The following FANCM variants were observed in gnomAD, a reference collection of about 807,000 sequenced individuals.
FANCM encodes Fanconi anemia group M protein.
FANCM carries 140 observed loss-of-function variants against 199.5 expected under a neutral mutation model. The ratio of observed to expected loss-of-function variants is 0.70; its 90% CI spans 0.61 to 0.81. FANCM has a LOEUF of 0.81. FANCM is among the 30% of genes least tolerant of loss of function. FANCM has a pLI of 0.00. For synonymous variants in FANCM, 840 were observed against 836.8 expected, an observed-to-expected ratio of 1.00 and a Z score of -0.07; for missense variants, 2,410 against 2,421.4, an observed-to-expected ratio of 1.00 and a Z score of 0.10.
In FANCM at chr14:45,175,607, T is replaced by C. The variant is rs1888627195; in HGVS notation, c.2853T>C (p.Asp951=). The C allele has an allele frequency of 1.2e-6, 2 of 1,613,592 alleles. No individual in the cohort carries two copies. Among genetic ancestry groups the C allele is most frequent in the African/African-American group, 2.7e-5 (2 of 74,930 alleles). ...VLDSGYNSFN[D]EKSVSSNLFL... Reference sequence around the variant, plus strand: ...ATTCTGGTTATAACAGTTTCAATGATGAAAAATCTGTTTCATCTAACTTAT... The same window carrying C: ...ATTCTGGTTATAACAGTTTCAATGACGAAAAATCTGTTTCATCTAACTTAT... The change falls in exon 14 of 23, where the codon GAT becomes GAC. Residue 951 remains aspartate (D), a synonymous_variant. Coordinates refer to ENST00000267430, the MANE Select transcript of FANCM (RefSeq NM_020937.4).
chr14:45,141,309 GAA>G (rs1885921095), intron 3 of FANCM, among the ~76,000 whole-genome samples: 2 of 135,504 alleles, frequency 1.5e-5, no homozygotes. Context: ...AAAAAAAAAA[GAA>G]AGCAAAAAAC....
chr14:45,139,874 G>T (rs756539085), intron 2 of FANCM, among the ~76,000 whole-genome samples: 2 of 152,026 alleles, frequency 1.3e-5, no homozygotes, highest in African/African-American at 2.4e-5. Context: ...AGCCCCAGCT[G>T]CTTGGGAGGC....
chr14:45,153,455 T>C (rs1886960957), intron 5 of FANCM, among the ~76,000 whole-genome samples: 1 of 152,226 alleles, frequency 6.6e-6, no homozygotes, highest in Non-Finnish European at 1.5e-5. Context: ...TGATTAAATA[T>C]TTGTACTTTT....
intron 3 of FANCM, among the ~76,000 whole-genome samples, chr14:45,146,333 T>C (rs1886381626): frequency 6.6e-6 from 1 of 152,070 alleles, no homozygotes; most frequent in Non-Finnish European, 1.5e-5. Context: ...ATTGCTCACT[T>C]GATTTTTGGT....
At chr14:45,181,376 A>G (rs1889055220) in intron 14 of FANCM, 54 bp from the exon 15 acceptor site, 3 of 943,644 alleles carry the variant, frequency 3.2e-6, no homozygotes, top group Non-Finnish European at 3.4e-6. Flanking sequence ...GATTGTTATG[A>G]TTGGGTAAAC....
In FANCM at chr14:45,175,137, A is replaced by T. The variant is rs748155447; in HGVS notation, c.2383A>T (p.Ile795Phe). 6.2e-7 allele frequency: 1 copy of T among 1,612,256 alleles called. No individual in the cohort carries two copies. Among genetic ancestry groups the T allele is most frequent in the Non-Finnish European group, 8.5e-7 (1 of 1,178,932 alleles). ...AATGGAAGATGTTACCTCAACATTT[A>T]TTGCTCCCAGGAATGAATCTAATAA... ...LQMEDVTSTF[I>F]APRNESNNLA... Residue 795 changes from isoleucine to phenylalanine, a missense_variant, in exon 14 of 23, where the codon ATT becomes TTT. Ile to Phe is a conservative substitution (Grantham distance 21). Transcript: ENST00000267430.
intron 2 of FANCM, 83 bp downstream of exon 2, chr14:45,137,324 T>C (rs1566718347): frequency 9.6e-7 from 1 of 1,042,784 alleles, no homozygotes; most frequent in Non-Finnish European, 1.5e-6. Context: ...GTGATGGAAG[T>C]TATTGACAAT....
intron 20 of FANCM, among the ~76,000 whole-genome samples, chr14:45,195,014 G>T (rs1254443687): frequency 6.6e-6 from 1 of 152,106 alleles, no homozygotes; most frequent in African/African-American, 2.4e-5. Flanking sequence ...CACCCAAAGT[G>T]CTGGGATTAC....
At position 45,164,435 on chromosome 14, in the gene FANCM, G is replaced by T. The variant is rs1178840247; in HGVS notation, c.1658G>T (p.Gly553Val). ...TCVGEEGLDI[G>V]EVDLIICFDS... is the part of the protein sequence containing the mutation. ...GTGGGTGAAGAAGGTTTGGATATAG[G>T]AGAAGTTGATCTTATAATATGTTTT... Residue 553 changes from glycine to valine, a missense_variant, in exon 10 of 23, where the codon GGA becomes GTA. Coordinates refer to ENST00000267430, the MANE Select transcript of FANCM (RefSeq NM_020937.4). 6.2e-7 allele frequency: 1 copy of T among 1,613,562 alleles called. No homozygotes were observed. The highest frequency in any genetic ancestry group is 2.2e-5 in the East Asian group (1 of 44,884).
At chr14:45,198,562 A>T (rs1271117266) in intron 21 of FANCM, 82 bp from the exon 22 acceptor site, 3 of 715,886 alleles carry the variant, frequency 4.2e-6, no homozygotes, top group Non-Finnish European at 5.8e-6. Flanking sequence ...AGATCTTGGG[A>T]TTTTAATAAA....
At chr14:45,157,781 G>T (rs868385955) in intron 8 of FANCM, among the ~76,000 whole-genome samples, 5 of 152,296 alleles carry the variant, frequency 3.3e-5, no homozygotes, top group South Asian at 4.1e-4. Flanking sequence ...TTTTTGTATT[G>T]TAAATTAACT....
rs939426175 is a variant in FANCM at position 45,136,332 on chromosome 14, G to C, written c.301G>C (p.Ala101Pro). Residue 101 changes from alanine to proline, a missense_variant, in exon 1 of 23, where the codon GCT becomes CCT. Coordinates refer to ENST00000267430, the MANE Select transcript of FANCM (RefSeq NM_020937.4). ...VRDYQLHISRAALFCNTLVCL... is the reference protein window; with the variant it reads ...VRDYQLHISRPALFCNTLVCL... ...GGACTACCAGCTGCACATTTCCCGG[G>C]CTGCTCTGTTTTGCAATACGCTGGT... 6.2e-7 allele frequency: 1 copy of C among 1,614,166 alleles called. No homozygotes were observed. The highest frequency in any genetic ancestry group is 1.1e-5 in the South Asian group (1 of 91,088).
At position 45,164,562 on chromosome 14, in the gene FANCM, A is replaced by G. The variant is rs1219562848; in HGVS notation, c.1785A>G (p.Glu595=). The stretch of plus-strand genomic sequence containing the variant: ...TTATCCTTTCTGAAGGACGAGAGGA[A>G]CGTGTAAGTAGAGCTGCAGAAACAC... ...IVIILSEGRE[E]RIYNQSQSNK... Residue 595 remains glutamate, a synonymous_variant, in exon 10 of 23, where the codon GAA becomes GAG. Transcript: ENST00000267430. 3.7e-6 allele frequency: 6 copies of G among 1,608,224 alleles called. No individual in the cohort carries two copies. The highest frequency in any genetic ancestry group is 5.1e-6 in the Non-Finnish European group (6 of 1,176,818).
chr14:45,195,421 T>A (rs1889999714), intron 20 of FANCM: 2 of 413,854 alleles, frequency 4.8e-6, no homozygotes, highest in African/African-American at 2.1e-5. Context: ...TCTGTTTTTA[T>A]GGAGTAGATT....
intron 18 of FANCM, 114 bp downstream of exon 18, chr14:45,185,487 G>A (rs1035267909): frequency 5.5e-5 from 33 of 603,994 alleles, no homozygotes; most frequent in Admixed American, 1.7e-4. Context: ...AATGTGGTAC[G>A]TGCAAAATAT....
At chr14:45,179,581 T>G (rs1363421374) in intron 14 of FANCM, among the ~76,000 whole-genome samples, 1 of 100,220 alleles carries the variant, frequency 1.0e-5, no homozygotes, top group African/African-American at 4.3e-5. Context: ...TTTTTTTTTT[T>G]GAGACAGTCT....
At chr14:45,160,513 A>G (rs748723219) in intron 9 of FANCM, among the ~76,000 whole-genome samples, 17 of 142,516 alleles carry the variant, frequency 1.2e-4, no homozygotes, top group Non-Finnish European at 2.4e-4. Flanking sequence ...TTTAGTAGAG[A>G]CAGGGTTTCA....
intron 18 of FANCM, among the ~76,000 whole-genome samples, chr14:45,187,326 A>G (rs373536676): frequency 6.6e-6 from 1 of 151,758 alleles, no homozygotes; most frequent in Non-Finnish European, 1.5e-5. Context: ...AAAAAAAACC[A>G]ATGTGTTTCC....
intron 20 of FANCM, among the ~76,000 whole-genome samples, chr14:45,194,322 A>G (rs989846023): frequency 6.6e-6 from 1 of 151,898 alleles, no homozygotes; most frequent in Non-Finnish European, 1.5e-5. Flanking sequence ...AAAACAAAAA[A>G]AAACCAAACA....
Sources: gnomAD v4.1 joint callset for allele counts (sites outside exome capture counted in the v4.1 genomes callset) on GRCh38, gnomAD v4.1.1 for gene constraint, MANE v1.5 for transcripts, NCBI Gene and HGNC (gene_info 2026-07-23, HGNC 2026-07-21) for gene names.